CES1: variants seen among roughly 807,000 people sequenced by gnomAD.
CES1 encodes carboxylesterase 1, also known as liver carboxylesterase 1.
CES1 carries 50 observed loss-of-function variants against 53.0 expected under a neutral mutation model. That is an observed-to-expected ratio of 0.94 (90% CI 0.75 to 1.19). The LOEUF (loss-of-function observed/expected upper bound fraction) is 1.19. CES1 is among the 50% of genes most tolerant of loss of function. The probability of loss-of-function intolerance (pLI) is 0.00; values close to 1 mark genes in which losing one functional copy is unlikely to be tolerated. For missense variants in CES1, 534 were observed against 538.0 expected (o/e 0.99, Z 0.07); for synonymous variants, 202 against 210.1 (o/e 0.96, Z 0.33).
chr16:55,824,971 G>A (rs2032359854), intron 3 of CES1, among the ~76,000 whole-genome samples: 1 of 152,202 alleles, frequency 6.6e-6, no homozygotes, highest in Admixed American at 6.5e-5. Context: ...TGCCTCCTGG[G>A]GAGGGATTGA....
intron 8 of CES1, among the ~76,000 whole-genome samples, chr16:55,814,870 T>C (rs1299765354): frequency 6.6e-6 from 1 of 152,198 alleles, no homozygotes; most frequent in African/African-American, 2.4e-5. Flanking sequence ...CCTAATCCAA[T>C]ATGGCTGACA....
At chr16:55,809,111 A>AAAAAAAAAAG (rs56221736) in intron 11 of CES1, among the ~76,000 whole-genome samples, 3 of 150,118 alleles carry the variant, frequency 2.0e-5, no homozygotes, top group Non-Finnish European at 3.0e-5. Context: ...AAAAAAAAAA[A>AAAAAAAAAAG]GCCCTGAACT....
chr16:55,824,651 A>G (rs769930481), intron 3 of CES1, among the ~76,000 whole-genome samples: 11 of 152,248 alleles, frequency 7.2e-5, no homozygotes, highest in Non-Finnish European at 1.3e-4. Flanking sequence ...TGCCCAGCAC[A>G]CTGCAGGCGC....
At chr16:55,823,287 G>C (rs2142341546) in intron 4 of CES1, among the ~76,000 whole-genome samples, 1 of 152,302 alleles carries the variant, frequency 6.6e-6, no homozygotes, top group African/African-American at 2.4e-5. Flanking sequence ...GAGGTAACTG[G>C]GGGCTGGGTC....
chr16:55,826,337 C>T, intron 2 of CES1, 42 bp from the exon 3 acceptor site: 2 of 1,613,238 alleles, frequency 1.2e-6, no homozygotes, highest in South Asian at 1.1e-5. Flanking sequence ...TCAGCCAGAT[C>T]TAAGCGAGGT....
intron 11 of CES1, among the ~76,000 whole-genome samples, chr16:55,810,230 A>G (rs2031626580): frequency 6.6e-6 from 1 of 152,070 alleles, no homozygotes; most frequent in Non-Finnish European, 1.5e-5. Flanking sequence ...TTGACAACGC[A>G]TCTTGGATTG....
chr16:55,810,570 A>G lies in CES1; in HGVS notation c.1265T>C (p.Ile422Thr), dbSNP rs748876242. The G allele has an allele frequency of 3.7e-6, 6 of 1,614,212 alleles. No individual in the cohort carries two copies. The highest frequency in any genetic ancestry group is 2.7e-5 in the African/African-American group (2 of 75,028). The change falls in exon 11 of 14, where the codon ATA (isoleucine) becomes ACA (threonine). Residue 422 changes from isoleucine to threonine, a missense_variant. Ile to Thr is a moderately conservative substitution (Grantham distance 89). Transcript: ENST00000360526. ...VKKKDLFLDL[I>T]ADVMFGVPSV... is the part of the protein sequence containing the mutation. ...TGGGACACCAAACATCACATCTGCT[A>G]TCAAGTCCAGGAACAGGTCTTTCTT...
At chr16:55,811,097 T>A in intron 9 of CES1, 87 bp from the exon 10 acceptor site, 2 of 1,104,026 alleles carry the variant, frequency 1.8e-6, no homozygotes, top group African/African-American at 1.6e-5. Context: ...ACCAATGCAG[T>A]CTGAAAGTCC....
At chr16:55,832,102 A>G (rs1290743982) in intron 1 of CES1, among the ~76,000 whole-genome samples, 2 of 152,162 alleles carry the variant, frequency 1.3e-5, no homozygotes, top group African/African-American at 4.8e-5. Context: ...TGCCAGGGCT[A>G]GGTACAAAAC....
At chr16:55,823,406 T>C in intron 4 of CES1, 144 bp downstream of exon 4, 2 of 915,096 alleles carry the variant, frequency 2.2e-6, no homozygotes, top group Non-Finnish European at 3.4e-6. Context: ...AGTGAGAGGG[T>C]AGGTAGTGTC....
At chr16:55,818,102 C>G (rs1305760981) in intron 7 of CES1, among the ~76,000 whole-genome samples, 4 of 152,174 alleles carry the variant, frequency 2.6e-5, no homozygotes, top group Admixed American at 2.6e-4. Flanking sequence ...AGAGGCCAGC[C>G]CTGGGATCCA....
Position 55,811,017 on chromosome 16 carries a change from A to C in CES1, c.1087-7T>G, listed in dbSNP as rs773010927. On this transcript the variant is annotated splice_region_variant and splice_polypyrimidine_tract_variant and intron_variant, in intron 9 of 13. Coordinates refer to ENST00000360526, the MANE Select transcript of CES1 (RefSeq NM_001025195.2). Reference sequence around the variant, plus strand: ...GTGGATAGCTCATCAACTGCTAAAAAAAAAAAAAAGTTCAGCATTTATGAA... The same window carrying C: ...GTGGATAGCTCATCAACTGCTAAAACAAAAAAAAAGTTCAGCATTTATGAA... 9.6e-5 allele frequency: 151 copies of C among 1,575,406 alleles called. No homozygotes were observed. Among genetic ancestry groups the C allele is most frequent in the Non-Finnish European group, 1.2e-4 (141 of 1,149,592 alleles).
In CES1 at chr16:55,821,413, C is replaced by T. The variant is rs559717555; in HGVS notation, c.648G>A (p.Val216=). 566 of 1,614,112 alleles carry T rather than the reference C, an allele frequency of 3.5e-4. No homozygotes were observed. In the South Asian group the frequency reaches 6.0e-3, roughly 17 times the overall value. ...CTCCCGCTGACTCTCCAAAGATGGT[C>T]ACAGAGCCTGGGTTCCCTCCAAAGC... The part of the protein sequence containing the change: ...IASFGGNPGS[V]TIFGESAGGE... The change falls in exon 5 of 14, where the codon GTG becomes GTA. Residue 216 remains valine, a synonymous_variant. Transcript: ENST00000360526.
chr16:55,810,214 A>G (rs1198402460), intron 11 of CES1, among the ~76,000 whole-genome samples: 7 of 151,650 alleles, frequency 4.6e-5, no homozygotes, highest in Admixed American at 2.0e-4. Flanking sequence ...CACAGTGGAT[A>G]CTCCCTTGAC....
intron 6 of CES1, 119 bp from the exon 7 acceptor site, chr16:55,819,758 T>A (rs1382828939): frequency 1.5e-5 from 13 of 875,196 alleles, no homozygotes; most frequent in Admixed American, 5.4e-5. Flanking sequence ...CAGCAGAAGA[T>A]ACTGTAGACC....
At chr16:55,824,153 C>A (rs1482766791) in intron 3 of CES1, among the ~76,000 whole-genome samples, 1 of 151,858 alleles carries the variant, frequency 6.6e-6, no homozygotes, top group Non-Finnish European at 1.5e-5. Context: ...AGCACACGTG[C>A]CTGTGATGGT....
At chr16:55,817,377 A>G (rs1459308012) in intron 7 of CES1, among the ~76,000 whole-genome samples, 1 of 152,202 alleles carries the variant, frequency 6.6e-6, no homozygotes, top group Non-Finnish European at 1.5e-5. Flanking sequence ...TGAAGCCATC[A>G]ACTCCTGAGA....
At chr16:55,812,121 C>G (rs1379273679) in intron 9 of CES1, among the ~76,000 whole-genome samples, 1 of 152,206 alleles carries the variant, frequency 6.6e-6, no homozygotes, top group African/African-American at 2.4e-5. Context: ...TCCCCTATTG[C>G]AATCATATTA....
chr16:55,831,017 T>G (rs2032645148), intron 1 of CES1, among the ~76,000 whole-genome samples: 1 of 151,940 alleles, frequency 6.6e-6, no homozygotes, highest in Non-Finnish European at 1.5e-5. Context: ...CCAGGCAAGA[T>G]GATGCCACAG....
Sources: gnomAD v4.1 joint callset for allele counts (sites outside exome capture counted in the v4.1 genomes callset) on GRCh38, gnomAD v4.1.1 for gene constraint, MANE v1.5 for transcripts, NCBI Gene and HGNC (gene_info 2026-07-23, HGNC 2026-07-21) for gene names.